GRIN3A: variants seen among roughly 807,000 people sequenced by gnomAD.
GRIN3A encodes glutamate ionotropic receptor NMDA type subunit 3A, also known as glutamate receptor ionotropic, NMDA 3A.
A neutral mutation model predicts 92.4 loss-of-function variants in GRIN3A; 47 were observed. That is an observed-to-expected ratio of 0.51 (90% confidence interval 0.40 to 0.65). The LOEUF (loss-of-function observed/expected upper bound fraction) is 0.65, where lower values mean the gene tolerates loss of function less well. Among genes scored for constraint, GRIN3A ranks in the 30% least tolerant of loss-of-function variants. The pLI is 0.00. For missense variants in GRIN3A, 1,324 were observed against 1,393.1 expected (o/e 0.95, Z 0.79); for synonymous variants, 527 against 540.6 (o/e 0.97, Z 0.35).
intron 3 of GRIN3A, among the ~76,000 whole-genome samples, chr9:101,666,053 A>G (rs1399437333): frequency 6.6e-6 from 1 of 151,968 alleles, no homozygotes; most frequent in Non-Finnish European, 1.5e-5. Flanking sequence ...GTGGAGCTGC[A>G]TGAATTTATG....
intron 6 of GRIN3A, chr9:101,595,130 A>G: frequency 1.8e-6 from 1 of 555,368 alleles, no homozygotes; most frequent in Non-Finnish European, 3.2e-6. Flanking sequence ...AAGGAGGGAA[A>G]AGGGGGCGGA....
chr9:101,661,370 A>C (rs2118933374), intron 3 of GRIN3A, among the ~76,000 whole-genome samples: 1 of 152,002 alleles, frequency 6.6e-6, no homozygotes, highest in East Asian at 1.9e-4. Flanking sequence ...CCCAGGTAAC[A>C]GTGCTGTGAT....
chr9:101,576,590 G>A (rs1289334677), intron 8 of GRIN3A, among the ~76,000 whole-genome samples: 2 of 152,134 alleles, frequency 1.3e-5, no homozygotes, highest in African/African-American at 4.8e-5. Flanking sequence ...TTCATTGTAA[G>A]ATGATACATT....
chr9:101,684,512 G>C (rs1829506243), intron 2 of GRIN3A, among the ~76,000 whole-genome samples: 1 of 152,032 alleles, frequency 6.6e-6, no homozygotes, highest in Non-Finnish European at 1.5e-5. Context: ...TTATATTCTA[G>C]CTCAGAACTC....
intron 1 of GRIN3A, among the ~76,000 whole-genome samples, chr9:101,702,640 C>G (rs1191178572): frequency 6.6e-6 from 1 of 152,150 alleles, no homozygotes; most frequent in African/African-American, 2.4e-5. Flanking sequence ...ATTTAGATAT[C>G]ATCTATACCC....
In GRIN3A at chr9:101,613,369, T is replaced by G. The variant is rs1300514263; in HGVS notation, c.2766+7A>C. 6.2e-7 allele frequency: 1 copy of G among 1,614,120 alleles called. No homozygotes were observed. The highest frequency in any genetic ancestry group is 1.7e-5 in the Admixed American group (1 of 60,010). On this transcript the variant is annotated splice_region_variant and intron_variant, in intron 6 of 8. Coordinates refer to ENST00000361820, the MANE Select transcript of GRIN3A (RefSeq NM_133445.3). ...ACGTGTCACCATTTTCAACAGTCTT[T>G]CCATACCTCCGTGACAGCAAAACTT...
rs62576357 is a variant in GRIN3A, at chr9:101,721,746, T to C, written c.699+15535A>G. Reference sequence around the variant, plus strand: ...GGCATTTTACCCCTGCCCTAGAGATTTGTGGAACTTTGAACTTGAAAGAGA... The same window carrying C: ...GGCATTTTACCCCTGCCCTAGAGATCTGTGGAACTTTGAACTTGAAAGAGA... On this transcript the variant is annotated intron_variant, in intron 1 of 8. Transcript: ENST00000361820. Among the ~76,000 whole-genome samples, 483 of 152,274 alleles carry C rather than the reference T, an allele frequency of 3.2e-3. 3 individuals carry two copies. The highest frequency in any genetic ancestry group is 3.4e-3 in the Non-Finnish European group (231 of 68,016).
intron 1 of GRIN3A, among the ~76,000 whole-genome samples, chr9:101,690,516 C>G (rs1410792793): frequency 6.6e-6 from 1 of 152,144 alleles, no homozygotes; most frequent in Non-Finnish European, 1.5e-5. Flanking sequence ...AAGTGCAGAG[C>G]TGCAGGGAGA....
intron 3 of GRIN3A, among the ~76,000 whole-genome samples, chr9:101,644,104 A>G (rs1828901484): frequency 6.6e-6 from 1 of 151,986 alleles, no homozygotes; most frequent in Non-Finnish European, 1.5e-5. Context: ...CACAATGTAC[A>G]CATATATAAA....
chr9:101,582,998 T>C (rs924289064), intron 6 of GRIN3A, among the ~76,000 whole-genome samples: 3 of 152,230 alleles, frequency 2.0e-5, no homozygotes, highest in Non-Finnish European at 2.9e-5. Flanking sequence ...GAAGTAGTTA[T>C]TGTTTTTAAA....
intron 5 of GRIN3A, among the ~76,000 whole-genome samples, chr9:101,621,367 G>T (rs142349682): frequency 1.7e-3 from 257 of 151,710 alleles, no homozygotes; most frequent in Middle Eastern, 6.8e-3. Context: ...CTACCACATT[G>T]TTTCGTGTAA....
intron 6 of GRIN3A, chr9:101,594,805 G>A (rs143999871): frequency 6.2e-7 from 1 of 1,612,642 alleles, no homozygotes; most frequent in African/African-American, 1.3e-5. Context: ...ACTCCTCCAC[G>A]CTCAGAGACC....
At chr9:101,685,705 A>G (rs1345442502) in intron 2 of GRIN3A, among the ~76,000 whole-genome samples, 2 of 151,094 alleles carry the variant, frequency 1.3e-5, no homozygotes, top group African/African-American at 4.9e-5. Flanking sequence ...TTTAAAAATA[A>G]ACAAATATAA....
intron 1 of GRIN3A, among the ~76,000 whole-genome samples, chr9:101,708,499 G>A (rs1029811928): frequency 6.6e-6 from 1 of 152,146 alleles, no homozygotes; most frequent in Non-Finnish European, 1.5e-5. Flanking sequence ...GAGAGATGGT[G>A]TCTTGTGGCC....
chr9:101,675,165 A>G (rs989489829), intron 2 of GRIN3A, among the ~76,000 whole-genome samples: 11 of 152,082 alleles, frequency 7.2e-5, no homozygotes, highest in African/African-American at 2.4e-4. Flanking sequence ...TAGTTCAGGT[A>G]TTCATCTTTT....
At chr9:101,633,295 T>C in intron 3 of GRIN3A, among the ~76,000 whole-genome samples, 1 of 152,020 alleles carries the variant, frequency 6.6e-6, no homozygotes. Context: ...TTCTTTGGAG[T>C]TGGGTGGAAA....
intron 2 of GRIN3A, among the ~76,000 whole-genome samples, chr9:101,684,478 A>C (rs1463146433): frequency 1.3e-5 from 2 of 151,982 alleles, no homozygotes; most frequent in African/African-American, 2.4e-5. Context: ...AAGGCTCAAT[A>C]ATAGCGTCTC....
rs1242599650 is a variant in GRIN3A, at chr9:101,734,532, C to G, written c.699+2749G>C. 1.3e-5 allele frequency among the ~76,000 whole-genome samples: 2 copies of G among 150,596 alleles called. 1 individual carries two copies. The highest frequency in any genetic ancestry group is 3.0e-5 in the Non-Finnish European group (2 of 67,104). On this transcript the variant is annotated intron_variant, in intron 1 of 8. Coordinates refer to ENST00000361820, the MANE Select transcript of GRIN3A (RefSeq NM_133445.3). ...TTTCCCTACTTGAAAGAAGCTGATC[C>G]CCTAGAAGGTGATGATCTTATGTGA... is the stretch of plus-strand genomic sequence containing the variant.
intron 1 of GRIN3A, among the ~76,000 whole-genome samples, chr9:101,690,151 T>C (rs1207738910): frequency 6.6e-6 from 1 of 152,128 alleles, no homozygotes; most frequent in Non-Finnish European, 1.5e-5. Context: ...ATAGTACTGA[T>C]AATTCTCATT....
Sources: gnomAD v4.1 joint callset for allele counts (sites outside exome capture counted in the v4.1 genomes callset) on GRCh38, gnomAD v4.1.1 for gene constraint, MANE v1.5 for transcripts, NCBI Gene and HGNC (gene_info 2026-07-23, HGNC 2026-07-21) for gene names.